The following CDKL1 variants were observed in gnomAD, a reference collection of about 807,000 sequenced individuals.
CDKL1 encodes cyclin-dependent kinase-like 1.
Under a neutral mutation model 42.0 loss-of-function variants are expected in CDKL1, and 41 were observed. The ratio of observed to expected loss-of-function variants is 0.98; its 90% confidence interval spans 0.76 to 1.27. The LOEUF is 1.27. CDKL1 is among the 50% of genes most tolerant of loss of function. The probability of loss-of-function intolerance (pLI) is 0.00; values close to 1 mark genes in which losing one functional copy is unlikely to be tolerated. For synonymous variants in CDKL1, 153 were observed against 158.6 expected (o/e 0.96, Z 0.26); for missense variants, 394 against 428.4 (o/e 0.92, Z 0.71).
chr14:50,334,541 T>A, intron 8 of CDKL1, 24 bp downstream of exon 8: 1 of 1,413,470 alleles, frequency 7.1e-7, no homozygotes, highest in Non-Finnish European at 1.0e-6. Context: ...TGCTTCCTGG[T>A]CTGTTGGAAG....
rs2035406974 is a variant in CDKL1, at chr14:50,396,350, T to C, written c.-461-21A>G. ...CGGTCCTAGAACAGAACAGCACATG[T>C]TAAGGAATGAAGAGTGTACCCGTGT... On this transcript the variant is annotated intron_variant, in intron 1 of 9. Transcript: ENST00000395834. The C allele has an allele frequency of 1.0e-5, 10 of 987,650 alleles. No homozygotes were observed. The South Asian group carries it at 4.7e-4, about 46-fold the overall frequency. The allele number at this position is 987,650 out of a possible 1,614,324, so 61.2% of individuals were successfully genotyped here. A position where few individuals can be genotyped will look rare whatever the true frequency, so the allele number is the denominator to read the frequency against.
intron 2 of CDKL1, among the ~76,000 whole-genome samples, chr14:50,379,757 C>T (rs987368853): frequency 5.9e-5 from 9 of 152,210 alleles, no homozygotes; most frequent in Admixed American, 2.6e-4. Flanking sequence ...TGCAGCTCCT[C>T]GCCCAGTTTC....
intron 2 of CDKL1, among the ~76,000 whole-genome samples, chr14:50,373,929 T>G (rs1198942432): frequency 6.6e-6 from 1 of 152,192 alleles, no homozygotes; most frequent in Non-Finnish European, 1.5e-5. Flanking sequence ...TCCTAGGTAT[T>G]TACCCAAATG....
At chr14:50,387,888 G>GTGTT (rs888904351) in intron 2 of CDKL1, among the ~76,000 whole-genome samples, 3 of 152,080 alleles carry the variant, frequency 2.0e-5, no homozygotes, top group South Asian at 2.1e-4. Flanking sequence ...TTCCACTGAG[G>GTGTT]TGTTTGTTTG....
chr14:50,363,051 A>G, intron 2 of CDKL1: 1 of 422,878 alleles, frequency 2.4e-6, no homozygotes, highest in Non-Finnish European at 5.2e-6. Context: ...GGAGGAAAGA[A>G]CAACTCCAAA....
At chr14:50,388,597 C>T (rs148840874) in intron 2 of CDKL1, among the ~76,000 whole-genome samples, 11 of 152,338 alleles carry the variant, frequency 7.2e-5, no homozygotes, top group Middle Eastern at 3.4e-3. Flanking sequence ...TGTTTACTCC[C>T]TTTGACCCTC....
chr14:50,359,071 A>G lies in CDKL1; in HGVS notation c.247T>C (p.Cys83Arg), dbSNP rs769303179. The G allele has an allele frequency of 1.2e-6, 2 of 1,613,052 alleles. No homozygotes were observed. The highest frequency in any genetic ancestry group is 1.7e-6 in the Non-Finnish European group (2 of 1,179,178). Residue 83 changes from cysteine (C) to arginine (R), a missense_variant, in exon 3 of 10, where the codon TGT becomes CGT. By Grantham distance (180) the Cys-to-Arg change is radical. Transcript: ENST00000395834. ...KRRLHLVFEY[C>R]DHTVLHELDR... Reference sequence around the variant, plus strand: ...AACTCATGGAGAACTGTGTGGTCACAATATTCAAACACCAGGTGAAGCCTC... The same window carrying G: ...AACTCATGGAGAACTGTGTGGTCACGATATTCAAACACCAGGTGAAGCCTC...
chr14:50,390,209 A>G (rs10131126), intron 2 of CDKL1: 343,921 of 1,363,562 alleles, frequency 0.25, 45,768 homozygotes, highest in African/African-American at 0.41. Context: ...GTCATAGACA[A>G]TGTCCCAGCT....
chr14:50,345,275 C>T (rs941159657), intron 3 of CDKL1, among the ~76,000 whole-genome samples: 1 of 152,206 alleles, frequency 6.6e-6, no homozygotes, highest in Non-Finnish European at 1.5e-5. Context: ...AAAATGCAAA[C>T]ATCTACTTCT....
At chr14:50,368,206 C>T (rs1468270664) in intron 2 of CDKL1, among the ~76,000 whole-genome samples, 1 of 152,198 alleles carries the variant, frequency 6.6e-6, no homozygotes, top group Non-Finnish European at 1.5e-5. Context: ...GCCAACCGCC[C>T]ACCTCGTCCT....
At chr14:50,374,711 G>T (rs1277330450) in intron 2 of CDKL1, among the ~76,000 whole-genome samples, 1 of 152,182 alleles carries the variant, frequency 6.6e-6, no homozygotes, top group African/African-American at 2.4e-5. Flanking sequence ...CTAGATACAT[G>T]TATGTACACA....
intron 2 of CDKL1, chr14:50,362,268 C>T: frequency 2.6e-6 from 1 of 382,794 alleles, no homozygotes; most frequent in Non-Finnish European, 5.2e-6. Context: ...CACCCAAGGA[C>T]TGAGGAGTGC....
At chr14:50,362,314 T>G (rs1273850730) in intron 2 of CDKL1, 13 of 341,928 alleles carry the variant, frequency 3.8e-5, no homozygotes, top group African/African-American at 2.9e-4. Context: ...CAGCTCCACC[T>G]GTGGCCTGGT....
intron 2 of CDKL1, among the ~76,000 whole-genome samples, chr14:50,381,494 G>A (rs2034906554): frequency 6.6e-6 from 1 of 152,168 alleles, no homozygotes; most frequent in Non-Finnish European, 1.5e-5. Flanking sequence ...CCTCACACCT[G>A]GCTCACGGGT....
chr14:50,375,097 T>TA (rs1284001246), intron 2 of CDKL1, among the ~76,000 whole-genome samples: 2 of 151,864 alleles, frequency 1.3e-5, no homozygotes, highest in African/African-American at 4.8e-5. Context: ...CGGAACTTAT[T>TA]AAAAAAAATT....
chr14:50,357,606 T>C (rs1240857696), intron 3 of CDKL1, among the ~76,000 whole-genome samples: 2 of 152,160 alleles, frequency 1.3e-5, no homozygotes, highest in African/African-American at 4.8e-5. Context: ...ACCTTCACCA[T>C]GAAGCTCTCT....
chr14:50,381,669 C>T (rs1407262638), intron 2 of CDKL1, among the ~76,000 whole-genome samples: 18 of 152,228 alleles, frequency 1.2e-4, no homozygotes, highest in Admixed American at 1.2e-3. Flanking sequence ...AGAATTAATG[C>T]AGCAACCCTG....
chr14:50,366,320 G>C (rs2034435187), intron 2 of CDKL1, among the ~76,000 whole-genome samples: 1 of 152,178 alleles, frequency 6.6e-6, no homozygotes, highest in African/African-American at 2.4e-5. Context: ...GGCAGGGGTG[G>C]TGGTAAAGGC....
rs551741801 is a variant in CDKL1 at position 50,392,474 on chromosome 14, A to G, written c.168+3227T>C. Among the ~76,000 whole-genome samples the G allele has an allele frequency of 4.1e-5, 6 of 146,510 alleles. No homozygotes were observed. The South Asian group carries it at 1.3e-3, about 31-fold the overall frequency. On this transcript the variant is annotated intron_variant, in intron 2 of 9. Transcript: ENST00000395834. ...AAGAAATAATAATAATAATAATAATAATAATAATAATAATAATGAAAGAAC... is the reference window on the plus strand; with the variant it reads ...AAGAAATAATAATAATAATAATAATGATAATAATAATAATAATGAAAGAAC...
Sources: gnomAD v4.1 joint callset for allele counts (sites outside exome capture counted in the v4.1 genomes callset) on GRCh38, gnomAD v4.1.1 for gene constraint, MANE v1.5 for transcripts, NCBI Gene and HGNC (gene_info 2026-07-23, HGNC 2026-07-21) for gene names.